Variants in PATJ observed in about 807,000 individuals in gnomAD.
The protein encoded by PATJ is inaD-like protein.
PATJ carries 190 observed loss-of-function variants against 224.9 expected under a neutral mutation model. The ratio of observed to expected loss-of-function variants is 0.84; its 90% CI spans 0.75 to 0.95. The LOEUF (loss-of-function observed/expected upper bound fraction) is 0.95, where lower values mean the gene tolerates loss of function less well. Among genes scored for constraint, PATJ ranks in the 40% least tolerant of loss-of-function variants. The probability of loss-of-function intolerance (pLI) is 0.00; values close to 1 mark genes in which losing one functional copy is unlikely to be tolerated. For missense variants in PATJ, 2,121 were observed against 2,270.3 expected, an observed-to-expected ratio of 0.93 and a Z score of 1.34; for synonymous variants, 769 against 820.3, an observed-to-expected ratio of 0.94 and a Z score of 1.07.
rs542776925 is a variant in PATJ at position 61,862,591 on chromosome 1, A to G, written c.2439+924A>G. Reference sequence around the variant, plus strand: ...AAGCATTTTCAAAGAACAAACATACACTAATGTATTCCTAAAATTTTGGAT... The same window carrying G: ...AAGCATTTTCAAAGAACAAACATACGCTAATGTATTCCTAAAATTTTGGAT... On this transcript the variant is annotated intron_variant, in intron 19 of 43. Transcript: ENST00000642238. 1.2e-3 allele frequency among the ~76,000 whole-genome samples: 176 copies of G among 152,298 alleles called. 1 individual carries two copies. The highest frequency in any genetic ancestry group is 4.1e-3 in the African/African-American group (171 of 41,552).
At chr1:62,149,804 ATTTT>A (rs10557763) in intron 42 of PATJ, among the ~76,000 whole-genome samples, 1 of 146,746 alleles carries the variant, frequency 6.8e-6, no homozygotes, top group Non-Finnish European at 1.5e-5. Flanking sequence ...TAACACTGGG[ATTTT>A]TTTTTTTTTT....
intron 27 of PATJ, among the ~76,000 whole-genome samples, chr1:61,928,834 ATAAT>A (rs1479570466): frequency 2.0e-5 from 3 of 152,062 alleles, no homozygotes; most frequent in South Asian, 2.1e-4. Flanking sequence ...TAACTTTATG[ATAAT>A]TAAGCTGATT....
rs1191133999 is a variant in PATJ at position 61,753,572 on chromosome 1, C to T, written c.-35-9286C>T. Among the ~76,000 whole-genome samples the T allele has an allele frequency of 3.3e-5, 5 of 151,564 alleles. No individual in the cohort carries two copies. The South Asian group carries it at 6.2e-4, about 19-fold the overall frequency. On this transcript the variant is annotated intron_variant, in intron 1 of 43. Transcript: ENST00000642238. ...CTGTCACGGCTGGAGTGCAGTGGCA[C>T]GATCTTGGCTCACTGCAACCTCCGC...
intron 6 of PATJ, among the ~76,000 whole-genome samples, chr1:61,773,705 T>G (rs1646748285): frequency 6.6e-6 from 1 of 151,834 alleles, no homozygotes; most frequent in South Asian, 2.1e-4. Context: ...GAGAATTGCT[T>G]GAACCTGGCA....
At chr1:62,044,290 C>T (rs1275514621) in intron 30 of PATJ, among the ~76,000 whole-genome samples, 1 of 152,202 alleles carries the variant, frequency 6.6e-6, no homozygotes, top group East Asian at 1.9e-4. Flanking sequence ...CCACCAGCCC[C>T]TCCCACTACT....
At chr1:62,039,047 A>G in intron 30 of PATJ, 1 of 955,750 alleles carries the variant, frequency 1.0e-6, no homozygotes, top group Non-Finnish European at 1.7e-6. Context: ...GCATCAGATA[A>G]TGGGAACATT....
At position 62,002,167 on chromosome 1, in the gene PATJ, A is replaced by T. The variant is rs991434098; in HGVS notation, c.3867+11803A>T. ...CCCAAACCTACCTAGAGGCTTTGGG[A>T]TCAGGAGGCTTGAGCTTGGATTCTG... is the stretch of plus-strand genomic sequence containing the variant. On this transcript the variant is annotated intron_variant, in intron 28 of 43. Coordinates refer to ENST00000642238, the MANE Select transcript of PATJ (RefSeq NM_001350145.3). Among the ~76,000 whole-genome samples, 34 of 152,128 alleles carry T rather than the reference A, an allele frequency of 2.2e-4. 1 individual carries two copies. The highest frequency in any genetic ancestry group is 7.4e-5 in the Non-Finnish European group (5 of 68,016).
rs1404037547 is a variant in PATJ at position 62,128,410 on chromosome 1, CT to C, written c.5166+318del. ...ACTGAGAGACATTTGACCTTAGAGT[CT>C]TCCCTCAATCAAAAGAATCACCATT... On this transcript the variant is annotated intron_variant, in intron 40 of 43. Coordinates refer to ENST00000642238, the MANE Select transcript of PATJ (RefSeq NM_001350145.3). 2.4e-5 allele frequency: 7 copies of C among 296,324 alleles called. No individual in the cohort carries two copies. In the East Asian group the frequency reaches 3.9e-4, roughly 17 times the overall value. The allele number at this position is 296,324 out of a possible 1,614,324, so 18.4% of individuals were successfully genotyped here.
chr1:62,071,002 G>T (rs1262384326), intron 31 of PATJ, among the ~76,000 whole-genome samples: 3 of 152,160 alleles, frequency 2.0e-5, no homozygotes, highest in Non-Finnish European at 4.4e-5. Flanking sequence ...TGGGAGCCTG[G>T]TGAAGAAAGG....
intron 22 of PATJ, among the ~76,000 whole-genome samples, chr1:61,887,404 T>C (rs1571123469): frequency 6.6e-6 from 1 of 152,196 alleles, no homozygotes. Context: ...GAGAAGATTA[T>C]TTACTACTAA....
chr1:62,033,887 A>G (rs1292051754), intron 29 of PATJ, among the ~76,000 whole-genome samples: 2 of 152,174 alleles, frequency 1.3e-5, no homozygotes, highest in Non-Finnish European at 2.9e-5. Flanking sequence ...ACGAAGTAAT[A>G]AGATCTCATC....
rs555936398 is a variant in PATJ at position 62,012,162 on chromosome 1, A to G, written c.3868-5694A>G. On this transcript the variant is annotated intron_variant, in intron 28 of 43. Coordinates refer to ENST00000642238, the MANE Select transcript of PATJ (RefSeq NM_001350145.3). ...CAAAATCCAAGACCTAAGATGGTAG[A>G]GTGACCATCTGTTCTTGCTCATCTT... Among the ~76,000 whole-genome samples the G allele has an allele frequency of 1.4e-3, 168 of 117,364 alleles. 1 individual carries two copies. The highest frequency in any genetic ancestry group is 5.5e-3 in the African/African-American group (165 of 29,980). 77.0% of individuals were successfully genotyped at this position (117,364 alleles called of 152,430 possible). A position where few individuals can be genotyped will look rare whatever the true frequency, so the allele number is the denominator to read the frequency against.
Position 62,098,033 on chromosome 1 carries a change from C to A in PATJ, c.4378-10404C>A, listed in dbSNP as rs566952091. 2.6e-5 allele frequency among the ~76,000 whole-genome samples: 4 copies of A among 152,118 alleles called. No homozygotes were observed. In the South Asian group the frequency reaches 6.2e-4, roughly 24 times the overall value. ...CCTGTAATCCCAGCACTTTGAGAGG[C>A]GGAGGCGGGCAGATCACTAGAGGTC... is the stretch of plus-strand genomic sequence containing the variant. On this transcript the variant is annotated intron_variant, in intron 33 of 43. Coordinates refer to ENST00000642238, the MANE Select transcript of PATJ (RefSeq NM_001350145.3).
chr1:62,084,668 A>G lies in PATJ; in HGVS notation c.4377+20A>G, dbSNP rs761391620. On this transcript the variant is annotated intron_variant, in intron 33 of 43. Transcript: ENST00000642238. The stretch of plus-strand genomic sequence containing the variant: ...CCCTTGGTAAGTTTCTAGAAATAAA[A>G]TGTATCCACTGTCATAGAACTAGTT... 108 of 1,611,422 alleles carry G rather than the reference A, an allele frequency of 6.7e-5. No homozygotes were observed. Among genetic ancestry groups the G allele is most frequent in the Middle Eastern group, 4.9e-4 (3 of 6,072 alleles).
At chr1:61,795,327 A>C in intron 9 of PATJ, 140 bp from the exon 10 acceptor site, 1 of 488,864 alleles carries the variant, frequency 2.0e-6, no homozygotes, top group South Asian at 4.0e-5. Flanking sequence ...ATAATCCATC[A>C]ATTTCTCTGC....
At chr1:61,938,636 G>A (rs903992538) in intron 27 of PATJ, among the ~76,000 whole-genome samples, 1 of 151,846 alleles carries the variant, frequency 6.6e-6, no homozygotes. Context: ...GATCACTTGT[G>A]CCCAGGAGTC....
At chr1:61,893,976 C>T (rs1453260348) in intron 22 of PATJ, among the ~76,000 whole-genome samples, 1 of 151,860 alleles carries the variant, frequency 6.6e-6, no homozygotes, top group African/African-American at 2.4e-5. Context: ...TAACAGAAGG[C>T]CGGGCATGTG....
At chr1:61,765,167 T>C (rs1646199519) in intron 3 of PATJ, among the ~76,000 whole-genome samples, 1 of 133,802 alleles carries the variant, frequency 7.5e-6, no homozygotes, top group Non-Finnish European at 1.6e-5. Context: ...CTCAACCTCC[T>C]GGGCTCAAGC....
intron 27 of PATJ, among the ~76,000 whole-genome samples, chr1:61,967,522 G>A (rs1216339966): frequency 6.6e-6 from 1 of 152,156 alleles, no homozygotes; most frequent in African/African-American, 2.4e-5. Flanking sequence ...AAATGTGTGT[G>A]ATTTATAATT....
Sources: allele counts gnomAD v4.1 joint callset (sites outside exome capture counted in the v4.1 genomes callset), GRCh38; gene constraint gnomAD v4.1.1; transcripts MANE v1.5; gene names NCBI Gene and HGNC (gene_info 2026-07-23, HGNC 2026-07-21).